Variants in RAP1GDS1 observed in about 807,000 individuals in gnomAD.
The protein encoded by RAP1GDS1 is Rap1 GTPase-GDP dissociation stimulator 1, also known as RAP1, GTP-GDP dissociation stimulator 1.
Under a neutral mutation model 71.1 loss-of-function variants are expected in RAP1GDS1, and 35 were observed. That is an observed-to-expected ratio of 0.49 (90% CI 0.38 to 0.65). The LOEUF (loss-of-function observed/expected upper bound fraction) is 0.65. Ranked by LOEUF, RAP1GDS1 falls within the 30% of genes least tolerant of loss-of-function variation. The pLI, the probability that RAP1GDS1 is intolerant of heterozygous loss-of-function variation, is 0.00. For synonymous variants in RAP1GDS1, 229 were observed against 243.1 expected (o/e 0.94, Z 0.54); for missense variants, 663 against 706.1 (o/e 0.94, Z 0.69).
chr4:98,309,636 A>G (rs1729912062), intron 2 of RAP1GDS1, among the ~76,000 whole-genome samples: 3 of 152,018 alleles, frequency 2.0e-5, no homozygotes, highest in African/African-American at 7.2e-5. Flanking sequence ...GTAGAAGCAC[A>G]TTAAAAATAT....
rs34393905 is a variant in RAP1GDS1 at position 98,363,478 on chromosome 4, C to CAAAAAAAAAA, written c.361+10895_361+10904dup. On this transcript the variant is annotated intron_variant, in intron 4 of 14. Transcript: ENST00000408927. ...CCTAAATAACAGTGAGACCCTGTCT[C>CAAAAAAAAAA]AAAAAAAAAAAAAAAAAAAAAAAAA... 6.6e-4 allele frequency among the ~76,000 whole-genome samples: 25 copies of CAAAAAAAAAA among 37,730 alleles called. 2 individuals are homozygous for CAAAAAAAAAA. Among genetic ancestry groups the CAAAAAAAAAA allele is most frequent in the African/African-American group, 2.1e-3 (21 of 10,116 alleles). The allele number at this position is 37,730 out of a possible 152,430, so 24.8% of individuals were successfully genotyped here.
intron 3 of RAP1GDS1, among the ~76,000 whole-genome samples, chr4:98,351,685 C>G (rs1206584982): frequency 1.3e-5 from 2 of 150,686 alleles, no homozygotes; most frequent in Admixed American, 6.6e-5. Flanking sequence ...TTGTAGTGGT[C>G]CATCATGAGA....
At chr4:98,293,113 C>G (rs910594125) in intron 1 of RAP1GDS1, among the ~76,000 whole-genome samples, 1 of 151,924 alleles carries the variant, frequency 6.6e-6, no homozygotes, top group Non-Finnish European at 1.5e-5. Context: ...AGATGCTTTC[C>G]TGAACAAGCT....
intron 6 of RAP1GDS1, among the ~76,000 whole-genome samples, chr4:98,395,548 T>C (rs1017071758): frequency 6.6e-6 from 1 of 152,212 alleles, no homozygotes; most frequent in African/African-American, 2.4e-5. Context: ...AATGGTTTAA[T>C]ATTTAATCCA....
At chr4:98,411,840 T>C (rs577143172) in intron 7 of RAP1GDS1, among the ~76,000 whole-genome samples, 51 of 152,106 alleles carry the variant, frequency 3.4e-4, no homozygotes, top group Admixed American at 7.9e-4. Flanking sequence ...AGTTCAAGGA[T>C]TTTAGTATTT....
chr4:98,348,638 G>C (rs1736672898), intron 3 of RAP1GDS1, among the ~76,000 whole-genome samples: 1 of 152,142 alleles, frequency 6.6e-6, no homozygotes, highest in Non-Finnish European at 1.5e-5. Context: ...GTTGTTTCCT[G>C]ACTTTTTAAT....
intron 4 of RAP1GDS1, among the ~76,000 whole-genome samples, chr4:98,373,131 T>TAACA (rs1468957170): frequency 6.6e-6 from 1 of 152,252 alleles, no homozygotes; most frequent in Non-Finnish European, 1.5e-5. Flanking sequence ...AAACTTTTAC[T>TAACA]AACATTTTTT....
intron 4 of RAP1GDS1, among the ~76,000 whole-genome samples, chr4:98,376,749 A>G (rs1436418417): frequency 2.6e-5 from 4 of 151,986 alleles, no homozygotes; most frequent in African/African-American, 4.8e-5. Context: ...ATATTTGGTA[A>G]TAATGTAATT....
chr4:98,380,848 A>C (rs1307847177), intron 5 of RAP1GDS1, among the ~76,000 whole-genome samples: 1 of 151,746 alleles, frequency 6.6e-6, no homozygotes, highest in Non-Finnish European at 1.5e-5. Flanking sequence ...GAAGTAGTAG[A>C]ATTAGTCTTG....
At chr4:98,284,464 A>T (rs931312516) in intron 1 of RAP1GDS1, among the ~76,000 whole-genome samples, 1 of 152,188 alleles carries the variant, frequency 6.6e-6, no homozygotes, top group Non-Finnish European at 1.5e-5. Context: ...CCAATCAAAG[A>T]CTATAATGCT....
rs1374500907 is a variant in RAP1GDS1 at position 98,442,019 on chromosome 4, G to A, written c.1726G>A (p.Ala576Thr). The change falls in exon 15 of 15, where the codon GCT becomes ACT. Residue 576 changes from alanine to threonine, a missense_variant. Physicochemically the swap from Ala to Thr is moderately conservative, Grantham distance 58. Coordinates refer to ENST00000408927, the MANE Select transcript of RAP1GDS1 (RefSeq NM_001100427.2). ...ECLHKEVQDL[A>T]FLDVVSKLRS... is the part of the protein sequence containing the mutation. Reference sequence around the variant, plus strand: ...TCTACACAAGGAAGTACAGGATTTGGCTTTTCTAGATGTCGTATCCAAACT... The same window carrying A: ...TCTACACAAGGAAGTACAGGATTTGACTTTTCTAGATGTCGTATCCAAACT... 6.2e-7 allele frequency: 1 copy of A among 1,613,812 alleles called. No homozygotes were observed. The highest frequency in any genetic ancestry group is 1.1e-5 in the South Asian group (1 of 91,070).
At chr4:98,309,464 A>G (rs1729870591) in intron 2 of RAP1GDS1, among the ~76,000 whole-genome samples, 1 of 151,998 alleles carries the variant, frequency 6.6e-6, no homozygotes, top group Admixed American at 6.6e-5. Flanking sequence ...TTATGAATAT[A>G]TGTGAATATG....
At chr4:98,412,103 G>A (rs1205438921) in intron 7 of RAP1GDS1, among the ~76,000 whole-genome samples, 1 of 152,088 alleles carries the variant, frequency 6.6e-6, no homozygotes, top group Non-Finnish European at 1.5e-5. Flanking sequence ...ATTTTTAAAA[G>A]TCTTTATTTT....
intron 10 of RAP1GDS1, among the ~76,000 whole-genome samples, chr4:98,419,612 A>C (rs1297480350): frequency 6.6e-6 from 1 of 152,234 alleles, no homozygotes; most frequent in African/African-American, 2.4e-5. Context: ...AATCCATTTG[A>C]ATTCATTTGG....
chr4:98,287,977 G>T lies in RAP1GDS1; in HGVS notation c.5-5431G>T, dbSNP rs372265170. On this transcript the variant is annotated intron_variant, in intron 1 of 14. Transcript: ENST00000408927. ...TTGGGACCAAGTAATAATTATGAAG[G>T]TAGTGATAAATGATTAAACTTTAAA... Among the ~76,000 whole-genome samples the T allele has an allele frequency of 1.1e-3, 166 of 152,110 alleles. 4 individuals are homozygous for T. The South Asian group carries it at 0.033, about 30-fold the overall frequency.
intron 2 of RAP1GDS1, among the ~76,000 whole-genome samples, chr4:98,309,942 A>T (rs973434845): frequency 6.6e-6 from 1 of 151,950 alleles, no homozygotes; most frequent in Admixed American, 6.6e-5. Context: ...TTAACTTTTT[A>T]AAAAAGAAGT....
intron 2 of RAP1GDS1, among the ~76,000 whole-genome samples, chr4:98,317,357 A>G (rs1187228285): frequency 6.6e-6 from 1 of 152,092 alleles, no homozygotes; most frequent in African/African-American, 2.4e-5. Flanking sequence ...ACCTTTCCGC[A>G]CTCATGTTAG....
At position 98,390,190 on chromosome 4, in the gene RAP1GDS1, C is replaced by T. The variant is rs138696916; in HGVS notation, c.509-1762C>T. Among the ~76,000 whole-genome samples the T allele has an allele frequency of 6.0e-3, 910 of 152,162 alleles. 8 individuals carry two copies. The highest frequency in any genetic ancestry group is 0.021 in the African/African-American group (885 of 41,546). ...TTCTAACTTGGAAAGCTCCTTGGTG[C>T]ATGATTATTACAAATACTATAACCA... On this transcript the variant is annotated intron_variant, in intron 5 of 14. Coordinates refer to ENST00000408927, the MANE Select transcript of RAP1GDS1 (RefSeq NM_001100427.2).
At chr4:98,375,576 A>G (rs1741051722) in intron 4 of RAP1GDS1, among the ~76,000 whole-genome samples, 1 of 152,222 alleles carries the variant, frequency 6.6e-6, no homozygotes, top group Non-Finnish European at 1.5e-5. Context: ...CTAACATATT[A>G]GAAAGATTTT....
Sources: gnomAD v4.1 joint callset for allele counts (sites outside exome capture counted in the v4.1 genomes callset) on GRCh38, gnomAD v4.1.1 for gene constraint, MANE v1.5 for transcripts, NCBI Gene and HGNC (gene_info 2026-07-23, HGNC 2026-07-21) for gene names.